Variants in HERC3 observed in about 807,000 individuals in gnomAD.
The protein encoded by HERC3 is probable E3 ubiquitin-protein ligase HERC3.
A neutral mutation model predicts 129.9 loss-of-function variants in HERC3; 58 were observed. The ratio of observed to expected loss-of-function variants is 0.45; its 90% CI spans 0.36 to 0.56. The LOEUF is 0.56. Among genes scored for constraint, HERC3 ranks in the 20% least tolerant of loss-of-function variants. The probability of loss-of-function intolerance (pLI) is 0.00; values close to 1 mark genes in which losing one functional copy is unlikely to be tolerated. For missense variants in HERC3, 835 were observed against 1,244.2 expected (o/e 0.67, Z 4.95); for synonymous variants, 430 against 451.0 (o/e 0.95, Z 0.59).
At chr4:88,592,018 A>T (rs1273326174), upstream of HERC3, among the ~76,000 whole-genome samples, 2 of 151,876 alleles carry the variant, frequency 1.3e-5, no homozygotes, top group Non-Finnish European at 2.9e-5. Context: ...AGTCCTACGA[A>T]GGGGAGTAAA....
In HERC3 at chr4:88,704,109, T is replaced by C; in HGVS notation, c.2669T>C (p.Val890Ala). 6 of 1,613,660 alleles carry C rather than the reference T, an allele frequency of 3.7e-6. No individual in the cohort carries two copies. The highest frequency in any genetic ancestry group is 4.2e-6 in the Non-Finnish European group (5 of 1,179,810). Residue 890 changes from valine (V) to alanine (A), a missense_variant, in exon 24 of 26, where the codon GTG becomes GCG. Val to Ala is a moderately conservative substitution (Grantham distance 64, BLOSUM62 0). Transcript: ENST00000402738. Reference sequence around the variant, plus strand: ...TTGTGTTCTGGCAGGCAGGAATTTGTGGATGCTTATGTGAATTATGTCTTC... The same window carrying C: ...TTGTGTTCTGGCAGGCAGGAATTTGCGGATGCTTATGTGAATTATGTCTTC... ...TVCKDNRQEF[V>A]DAYVNYVFQI...
At chr4:88,564,692 T>C in the HERC3 span, among the ~76,000 whole-genome samples, 1 of 152,154 alleles carries the variant, frequency 6.6e-6, no homozygotes, top group African/African-American at 2.4e-5. Context: ...AATTGTTGTT[T>C]GTTGATTTCA....
intron 12 of HERC3, 77 bp downstream of exon 12, chr4:88,664,289 A>G (rs1730818426): frequency 1.6e-6 from 2 of 1,223,532 alleles, no homozygotes; most frequent in East Asian, 2.3e-5. Context: ...ACACAGGAGG[A>G]TTGCTTGAGT....
intron 14 of HERC3, chr4:88,668,785 G>A (rs911079640): frequency 1.3e-5 from 2 of 152,114 alleles, no homozygotes; most frequent in Non-Finnish European, 1.5e-5. Flanking sequence ...GTGTGGTCTC[G>A]CCGTGAATAA....
chr4:88,619,197 T>G (rs1453837224), intron 3 of HERC3, among the ~76,000 whole-genome samples: 1 of 152,224 alleles, frequency 6.6e-6, no homozygotes, highest in Non-Finnish European at 1.5e-5. Context: ...TTGTTCCTCT[T>G]CCCTTAGATC....
upstream of HERC3, among the ~76,000 whole-genome samples, chr4:88,589,357 G>C (rs1721605486): frequency 6.6e-6 from 1 of 152,160 alleles, no homozygotes; most frequent in South Asian, 2.1e-4. Context: ...AAAGCCCTGG[G>C]ATTACAGGGG....
At chr4:88,634,515 G>C (rs959743116) in intron 3 of HERC3, among the ~76,000 whole-genome samples, 2 of 152,182 alleles carry the variant, frequency 1.3e-5, no homozygotes, top group Non-Finnish European at 2.9e-5. Context: ...TAGGGGGAGG[G>C]ATGGCCGTAG....
chr4:88,550,976 T>G, the HERC3 span, among the ~76,000 whole-genome samples: 1 of 146,122 alleles, frequency 6.8e-6, no homozygotes, highest in Non-Finnish European at 1.5e-5. Flanking sequence ...TCAGAAATAA[T>G]GCCGCATATC....
the HERC3 span, among the ~76,000 whole-genome samples, chr4:88,530,263 C>G: frequency 6.6e-6 from 1 of 151,488 alleles, no homozygotes; most frequent in Non-Finnish European, 1.5e-5. Context: ...GCACTCCAGC[C>G]TAGGTGACAG....
chr4:88,542,904 C>T, the HERC3 span, among the ~76,000 whole-genome samples: 1 of 152,312 alleles, frequency 6.6e-6, no homozygotes, highest in Middle Eastern at 3.4e-3. Context: ...ATGCTGAAAA[C>T]TCTAGATAAA....
upstream of HERC3, among the ~76,000 whole-genome samples, chr4:88,587,553 T>A (rs1721563695): frequency 2.6e-5 from 4 of 152,254 alleles, no homozygotes; most frequent in African/African-American, 9.6e-5. Flanking sequence ...CAGATTTTTA[T>A]GGCCAACCTA....
the HERC3 span, chr4:88,527,795 A>G: frequency 3.1e-6 from 1 of 327,536 alleles, no homozygotes. Context: ...CTCCTTGCTG[A>G]GGTGATCTTG....
chr4:88,676,582 A>C (rs2972016), intron 18 of HERC3, among the ~76,000 whole-genome samples, 159 bp downstream of exon 18: 6,622 of 152,320 alleles, frequency 0.043, 399 homozygotes, highest in East Asian at 0.27. Context: ...TGTTGAATAT[A>C]ACACACATAG....
At chr4:88,611,016 T>C (rs1724258444) in intron 3 of HERC3, among the ~76,000 whole-genome samples, 1 of 152,218 alleles carries the variant, frequency 6.6e-6, no homozygotes, top group African/African-American at 2.4e-5. Context: ...GCTAGAGGTG[T>C]GCCAAGAAGG....
the HERC3 span, among the ~76,000 whole-genome samples, chr4:88,581,849 T>G: frequency 6.6e-6 from 1 of 152,238 alleles, no homozygotes; most frequent in African/African-American, 2.4e-5. Flanking sequence ...TACTAATATC[T>G]TCACAAAATG....
chr4:88,695,014 G>C (rs1321293074), intron 23 of HERC3, among the ~76,000 whole-genome samples: 2 of 152,068 alleles, frequency 1.3e-5, no homozygotes, highest in Admixed American at 6.5e-5. Flanking sequence ...CCTCTTAGTT[G>C]TGTTTCAATC....
At chr4:88,674,739 T>C (rs1026542459) in intron 16 of HERC3, among the ~76,000 whole-genome samples, 1 of 152,196 alleles carries the variant, frequency 6.6e-6, no homozygotes. Context: ...ATTGGATATG[T>C]AGGCATGAGA....
At chr4:88,658,177 G>A in intron 9 of HERC3, 1 of 326,856 alleles carries the variant, frequency 3.1e-6, no homozygotes, top group Non-Finnish European at 5.5e-6. Flanking sequence ...GGATTCACTG[G>A]CAGTTGGGGA....
At chr4:88,548,516 C>T in the HERC3 span, among the ~76,000 whole-genome samples, 1 of 152,014 alleles carries the variant, frequency 6.6e-6, no homozygotes, top group African/African-American at 2.4e-5. Context: ...GAAATGTATG[C>T]TCAGATCCTT....
Sources: allele counts gnomAD v4.1 joint callset (sites outside exome capture counted in the v4.1 genomes callset), GRCh38; gene constraint gnomAD v4.1.1; transcripts MANE v1.5; gene names NCBI Gene and HGNC (gene_info 2026-07-23, HGNC 2026-07-21).